The following PCDHB2 variants were observed in gnomAD, a reference collection of about 807,000 sequenced individuals.
PCDHB2 encodes protocadherin beta-2.
For missense variants in PCDHB2, 914 were observed against 1,023.1 expected (o/e 0.89, Z 1.45); for synonymous variants, 395 against 464.9 (o/e 0.85, Z 1.93).
At position 141,095,807 on chromosome 5, in the gene PCDHB2, G is replaced by A. The variant is rs1554271332; in HGVS notation, c.1017G>A (p.Val339=). The A allele has an allele frequency of 1.9e-6, 3 of 1,614,164 alleles. No homozygotes were observed. The Admixed American group carries it at 5.0e-5, about 27-fold the overall frequency. The change falls in exon 1 of 1, where the codon GTG becomes GTA. Residue 339 remains valine (V), a synonymous_variant. Transcript: ENST00000194155. ...GAACTTGTGTGGTATTTGTCCAAGT[G>A]ATGGATTTGAATGACAATCCTCCGG... The part of the protein sequence containing the change: ...LSGTCVVFVQ[V]MDLNDNPPEL...
rs782656289 is a variant in PCDHB2, at chr5:141,097,058, T to C, written c.2268T>C (p.Cys756=). Residue 756 remains cysteine, a synonymous_variant, in exon 1 of 1, where the codon TGT becomes TGC. Coordinates refer to ENST00000194155, the MANE Select transcript of PCDHB2 (RefSeq NM_018936.4). ...CCCAGAGCTACCAGTACGAGGTGTG[T>C]CTGACTGGAGGCTCCGGGACAAATG... is the stretch of plus-strand genomic sequence containing the variant. ...TLSQSYQYEV[C]LTGGSGTNEF... is the part of the protein sequence containing the mutation. 7 of 1,613,732 alleles carry C rather than the reference T, an allele frequency of 4.3e-6. No individual in the cohort carries two copies. In the East Asian group the frequency reaches 8.9e-5, roughly 21 times the overall value.
Position 141,096,973 on chromosome 5 carries a change from C to T in PCDHB2, c.2183C>T (p.Ser728Leu), listed in dbSNP as rs782639355. 5.0e-6 allele frequency: 8 copies of T among 1,612,874 alleles called. No individual in the cohort carries two copies. Among genetic ancestry groups the T allele is most frequent in the East Asian group, 2.2e-5 (1 of 44,878 alleles). Residue 728 changes from serine (S) to leucine (L), a missense_variant, in exon 1 of 1, where the codon TCG becomes TTG. Physicochemically the swap from Ser to Leu is moderately radical, Grantham distance 145. Transcript: ENST00000194155. ...RSRAASVGRC[S>L]VPEGPFPGQM... ...AGGGCGGCCTCGGTGGGTCGCTGCT[C>T]GGTGCCCGAGGGCCCCTTTCCAGGG... is the stretch of plus-strand genomic sequence containing the variant.
Position 141,096,128 on chromosome 5 carries a change from C to G in PCDHB2, c.1338C>G (p.Val446=), listed in dbSNP as rs1375622782. The change falls in exon 1 of 1, where the codon GTC becomes GTG. Residue 446 remains valine (V), a synonymous_variant. Coordinates refer to ENST00000194155, the MANE Select transcript of PCDHB2 (RefSeq NM_018936.4). ...ACATAACCGTGCTGGTCTCCGACGT[C>G]AATGACAACGCCCCCGCCTTCACCC... ...EHNITVLVSD[V]NDNAPAFTQT... 6.2e-6 allele frequency: 10 copies of G among 1,613,688 alleles called. No individual in the cohort carries two copies. In the East Asian group the frequency reaches 2.0e-4, roughly 32 times the overall value.
In PCDHB2 at chr5:141,096,595, C is replaced by T. The variant is rs1479088736; in HGVS notation, c.1805C>T (p.Ala602Val). Reference sequence around the variant, plus strand: ...GTGGACGGCGACTCGGGCCAGAACGCCTGGCTGTCGTACCAGCTGCTCAAG... The same window carrying T: ...GTGGACGGCGACTCGGGCCAGAACGTCTGGCTGTCGTACCAGCTGCTCAAG... ...VAVDGDSGQNAWLSYQLLKAT... is the reference protein window; with the variant it reads ...VAVDGDSGQNVWLSYQLLKAT... The change falls in exon 1 of 1, where the codon GCC (alanine) becomes GTC (valine). Residue 602 changes from alanine (A) to valine (V), a missense_variant. Physicochemically the swap from Ala to Val is moderately conservative, Grantham distance 64 (BLOSUM62 0). Transcript: ENST00000194155. The T allele has an allele frequency of 4.4e-6, 7 of 1,606,568 alleles. No homozygotes were observed. The highest frequency in any genetic ancestry group is 5.9e-6 in the Non-Finnish European group (7 of 1,179,040).
Position 141,095,180 on chromosome 5 carries a change from T to A in PCDHB2, c.390T>A (p.Asp130Glu). Residue 130 changes from aspartate (D) to glutamate (E), a missense_variant, in exon 1 of 1, where the codon GAT becomes GAA. Coordinates refer to ENST00000194155, the MANE Select transcript of PCDHB2 (RefSeq NM_018936.4). ...QAELRIRDVN[D>E]HSPVFLDKEI... ...AGCTACGGATTAGGGACGTAAATGA[T>A]CATTCCCCAGTTTTCCTAGACAAAG... 3 of 1,610,568 alleles carry A rather than the reference T, an allele frequency of 1.9e-6. No individual in the cohort carries two copies. The highest frequency in any genetic ancestry group is 2.5e-6 in the Non-Finnish European group (3 of 1,178,440).
rs782488104 is a variant in PCDHB2, at chr5:141,096,352, T to C, written c.1562T>C (p.Leu521Pro). The C allele has an allele frequency of 9.3e-6, 15 of 1,613,050 alleles. No individual in the cohort carries two copies. Among genetic ancestry groups the C allele is most frequent in the Non-Finnish European group, 1.2e-5 (14 of 1,179,844 alleles). Residue 521 changes from leucine to proline, a missense_variant, in exon 1 of 1, where the codon CTG (leucine) becomes CCG (proline). Physicochemically the swap from Leu to Pro is moderately conservative, Grantham distance 98 (BLOSUM62 -3). Transcript: ENST00000194155. ...GGCCACCTGTTCGCTCTCCAGTCGC[T>C]GGACTACGAGGCCCTGCAGGCGTTC... The part of the protein sequence containing the change: ...DNGHLFALQS[L>P]DYEALQAFEF...
rs112071111 is a variant in PCDHB2 at position 141,095,510 on chromosome 5, C to T, written c.720C>T (p.Asn240=). ...TTGAAGTTGTGGACATCAATGACAACGTCCCAGAGTTTGCAAAGCTGCTCT... is the reference window on the plus strand; with the variant it reads ...TTGAAGTTGTGGACATCAATGACAATGTCCCAGAGTTTGCAAAGCTGCTCT... The part of the protein sequence containing the change: ...VRIEVVDIND[N]VPEFAKLLYE... The change falls in exon 1 of 1, where the codon AAC becomes AAT. Residue 240 remains asparagine (N), a synonymous_variant. Transcript: ENST00000194155. The T allele has an allele frequency of 6.8e-6, 11 of 1,614,046 alleles. No homozygotes were observed. The highest frequency in any genetic ancestry group is 8.5e-6 in the Non-Finnish European group (10 of 1,179,972).
At position 141,098,661 on chromosome 5, in the gene PCDHB2, T is replaced by C. The variant is rs1216285604; in HGVS notation, c.*1474T>C. On this transcript the variant is annotated 3_prime_UTR_variant, in exon 1 of 1. Coordinates refer to ENST00000194155, the MANE Select transcript of PCDHB2 (RefSeq NM_018936.4). The stretch of plus-strand genomic sequence containing the variant: ...GAAAGAGAGAAAAGTATTTTACCTG[T>C]GATATATTGATATTTAAATAAACTA... 2 of 152,210 alleles carry C rather than the reference T, an allele frequency of 1.3e-5. No individual in the cohort carries two copies. The highest frequency in any genetic ancestry group is 4.8e-5 in the African/African-American group (2 of 41,460). The allele number at this position is 152,210 out of a possible 1,614,324, so 9.4% of individuals were successfully genotyped here.
rs1221220837 is a variant in PCDHB2, at chr5:141,096,996, G to A, written c.2206G>A (p.Gly736Arg). ...RCSVPEGPFP[G>R]QMVDVSGTGT... ...CTCGGTGCCCGAGGGCCCCTTTCCA[G>A]GGCAGATGGTGGACGTGAGCGGCAC... is the stretch of plus-strand genomic sequence containing the variant. The change falls in exon 1 of 1, where the codon GGG (glycine) becomes AGG (arginine). Residue 736 changes from glycine (G) to arginine (R), a missense_variant. By Grantham distance (125) the Gly-to-Arg change is moderately radical (BLOSUM62 -2). Coordinates refer to ENST00000194155, the MANE Select transcript of PCDHB2 (RefSeq NM_018936.4). The A allele has an allele frequency of 1.2e-6, 2 of 1,613,394 alleles. No individual in the cohort carries two copies. The highest frequency in any genetic ancestry group is 2.7e-5 in the African/African-American group (2 of 74,912).
Position 141,094,737 on chromosome 5 carries a change from T to G in PCDHB2, c.-54T>G, listed in dbSNP as rs1433119386. 7.2e-7 allele frequency: 1 copy of G among 1,387,828 alleles called. No individual in the cohort carries two copies. The highest frequency in any genetic ancestry group is 2.2e-5 in the Admixed American group (1 of 44,688). 86.0% of individuals were successfully genotyped at this position (1,387,828 alleles called of 1,614,324 possible). On this transcript the variant is annotated 5_prime_UTR_variant, in exon 1 of 1. Coordinates refer to ENST00000194155, the MANE Select transcript of PCDHB2 (RefSeq NM_018936.4). Reference sequence around the variant, plus strand: ...ATCAGCGAGATACGGGGAGATAGAGTTAGCGACAACGTGAGCCAGAGCTGG... The same window carrying G: ...ATCAGCGAGATACGGGGAGATAGAGGTAGCGACAACGTGAGCCAGAGCTGG...
rs1554271856 is a variant in PCDHB2 at position 141,098,358 on chromosome 5, A to C, written c.*1171A>C. The C allele has an allele frequency of 6.6e-6, 1 of 152,152 alleles. No individual in the cohort carries two copies. Among genetic ancestry groups the C allele is most frequent in the Non-Finnish European group, 1.5e-5 (1 of 68,050 alleles). 9.4% of individuals were successfully genotyped at this position (152,152 alleles called of 1,614,324 possible). A position where few individuals can be genotyped will look rare whatever the true frequency, so the allele number is the denominator to read the frequency against. On this transcript the variant is annotated 3_prime_UTR_variant, in exon 1 of 1. Transcript: ENST00000194155. Reference sequence around the variant, plus strand: ...CATGTCTTTGTCCTTTACCTTTAGAACCCTCAAACATAGCTTGGTATTGCT... The same window carrying C: ...CATGTCTTTGTCCTTTACCTTTAGACCCCTCAAACATAGCTTGGTATTGCT...
rs782786581 is a variant in PCDHB2 at position 141,096,207 on chromosome 5, G to C, written c.1417G>C (p.Gly473Arg). ...GAACAACAGCCCCGCCCTGCACATC[G>C]GCAGCGTCAGCGCCACAGACAGAGA... The part of the protein sequence containing the change: ...RENNSPALHI[G>R]SVSATDRDSG... Residue 473 changes from glycine to arginine, a missense_variant, in exon 1 of 1, where the codon GGC (glycine) becomes CGC (arginine). Coordinates refer to ENST00000194155, the MANE Select transcript of PCDHB2 (RefSeq NM_018936.4). 42 of 1,612,930 alleles carry C rather than the reference G, an allele frequency of 2.6e-5. No individual in the cohort carries two copies. The highest frequency in any genetic ancestry group is 1.8e-4 in the East Asian group (8 of 44,866).
rs538217984 is a variant in PCDHB2, at chr5:141,096,045, T to A, written c.1255T>A (p.Tyr419Asn). ...CCTGGACCGGGAGACCAGATCCGAA[T>A]ACAACATCACCATCACCGTCACCGA... ...TALDRETRSE[Y>N]NITITVTDFG... The change falls in exon 1 of 1, where the codon TAC (tyrosine) becomes AAC (asparagine). Residue 419 changes from tyrosine to asparagine, a missense_variant. Transcript: ENST00000194155. The A allele has an allele frequency of 4.7e-5, 76 of 1,609,070 alleles. No homozygotes were observed. The East Asian group carries it at 5.8e-4, about 12-fold the overall frequency.
At position 141,097,421 on chromosome 5, in the gene PCDHB2, G is replaced by T. The variant is rs566350918; in HGVS notation, c.*234G>T. 1.5e-5 allele frequency: 7 copies of T among 453,050 alleles called. No homozygotes were observed. In the South Asian group the frequency reaches 4.2e-4, roughly 27 times the overall value. The allele number at this position is 453,050 out of a possible 1,614,324, so 28.1% of individuals were successfully genotyped here. ...ATTGCAATTTAATTGCATTTAAAGT[G>T]TAAAAGTAAATTTTGTATTTTCAGA... On this transcript the variant is annotated 3_prime_UTR_variant, in exon 1 of 1. Transcript: ENST00000194155.
Position 141,097,379 on chromosome 5 carries a change from A to T in PCDHB2, c.*192A>T, listed in dbSNP as rs1268869032. 13 of 589,850 alleles carry T rather than the reference A, an allele frequency of 2.2e-5. No individual in the cohort carries two copies. The highest frequency in any genetic ancestry group is 3.3e-5 in the Non-Finnish European group (12 of 360,880). 36.5% of individuals were successfully genotyped at this position (589,850 alleles called of 1,614,324 possible). A position where few individuals can be genotyped will look rare whatever the true frequency, so the allele number is the denominator to read the frequency against. ...TAAATGTAAATTTTCTTTGTATTCTAATTGTTGGTTAGTTTCATTGCAATT... is the reference window on the plus strand; with the variant it reads ...TAAATGTAAATTTTCTTTGTATTCTTATTGTTGGTTAGTTTCATTGCAATT... On this transcript the variant is annotated 3_prime_UTR_variant, in exon 1 of 1. Coordinates refer to ENST00000194155, the MANE Select transcript of PCDHB2 (RefSeq NM_018936.4).
In PCDHB2 at chr5:141,094,993, T is replaced by A. The variant is rs757705581; in HGVS notation, c.203T>A (p.Val68Asp). ...IGELAVRGAR[V>D]VSKGKKMHLQ... The stretch of plus-strand genomic sequence containing the variant: ...GAACTTGCTGTGAGGGGGGCCAGGG[T>A]CGTTTCCAAAGGAAAAAAAATGCAT... Residue 68 changes from valine to aspartate, a missense_variant, in exon 1 of 1, where the codon GTC becomes GAC. By Grantham distance (152) the Val-to-Asp change is radical. Coordinates refer to ENST00000194155, the MANE Select transcript of PCDHB2 (RefSeq NM_018936.4). 1.2e-6 allele frequency: 2 copies of A among 1,612,900 alleles called. No individual in the cohort carries two copies. The highest frequency in any genetic ancestry group is 1.7e-6 in the Non-Finnish European group (2 of 1,179,602).
rs1268767548 is a variant in PCDHB2, at chr5:141,096,463, A to G, written c.1673A>G (p.Asp558Gly). ...CGCGTGCTGGTGCTGGACGCCAACG[A>G]CAACTCGCCCTTCGTGCTGTACCCG... ...LVRVLVLDAN[D>G]NSPFVLYPLQ... Residue 558 changes from aspartate to glycine, a missense_variant, in exon 1 of 1, where the codon GAC becomes GGC. Asp to Gly is a moderately conservative substitution (Grantham distance 94, BLOSUM62 -1). Coordinates refer to ENST00000194155, the MANE Select transcript of PCDHB2 (RefSeq NM_018936.4). 1 of 1,610,920 alleles carries G rather than the reference A, an allele frequency of 6.2e-7. No individual in the cohort carries two copies. Among genetic ancestry groups the G allele is most frequent in the African/African-American group, 1.3e-5 (1 of 74,834 alleles).
In PCDHB2 at chr5:141,097,417, A is replaced by T. The variant is rs1204719507; in HGVS notation, c.*230A>T. On this transcript the variant is annotated 3_prime_UTR_variant, in exon 1 of 1. Coordinates refer to ENST00000194155, the MANE Select transcript of PCDHB2 (RefSeq NM_018936.4). ...TTTCATTGCAATTTAATTGCATTTAAAGTGTAAAAGTAAATTTTGTATTTT... is the reference window on the plus strand; with the variant it reads ...TTTCATTGCAATTTAATTGCATTTATAGTGTAAAAGTAAATTTTGTATTTT... 7 of 463,388 alleles carry T rather than the reference A, an allele frequency of 1.5e-5. No individual in the cohort carries two copies. The highest frequency in any genetic ancestry group is 2.6e-5 in the Non-Finnish European group (7 of 266,584). 28.7% of individuals were successfully genotyped at this position (463,388 alleles called of 1,614,324 possible).
Position 141,096,026 on chromosome 5 carries a change from CCG to C in PCDHB2, c.1237_1238del (p.Arg413GlyfsTer35), listed in dbSNP as rs1277633053. ...YTLVISTALD[R>X]ETRSEYNITI... ...CTCTGGTGATAAGCACGGCCCTGGA[CCG>C]GGAGACCAGATCCGAATACAACATC... is the stretch of plus-strand genomic sequence containing the variant. On this transcript the variant is annotated frameshift_variant, in exon 1 of 1. Transcript: ENST00000194155. LOFTEE classifies it low-confidence loss of function (END_TRUNC). The C allele has an allele frequency of 5.6e-6, 9 of 1,613,974 alleles. No homozygotes were observed. Among genetic ancestry groups the C allele is most frequent in the Middle Eastern group, 1.6e-4 (1 of 6,084 alleles).
Sources: allele counts gnomAD v4.1 joint callset, GRCh38; gene constraint gnomAD v4.1.1; transcripts MANE v1.5; gene names NCBI Gene and HGNC (gene_info 2026-07-23, HGNC 2026-07-21).